GBA1: variants seen among roughly 807,000 people sequenced by gnomAD.
GBA1 encodes glucosylceramidase beta 1, also known as lysosomal acid glucosylceramidase.
chr1:155,240,631 T>C, the GBA1 span: 1 of 1,613,030 alleles, frequency 6.2e-7, no homozygotes, highest in East Asian at 2.2e-5. Context: ...CTCACTCACC[T>C]GATGCCCACG....
the GBA1 span, chr1:155,235,626 C>T: frequency 4.0e-5 from 61 of 1,516,246 alleles, 1 homozygote; most frequent in South Asian, 5.6e-4. Context: ...GTAAGCCATC[C>T]GATGTAGGAG....
chr1:155,239,317 G>A, the GBA1 span, among the ~76,000 whole-genome samples: 1 of 152,096 alleles, frequency 6.6e-6, no homozygotes, highest in Non-Finnish European at 1.5e-5. Context: ...ATCATTTGAG[G>A]TCAGGAGTTT....
At chr1:155,241,769 G>A in the GBA1 span, among the ~76,000 whole-genome samples, 1 of 152,126 alleles carries the variant, frequency 6.6e-6, no homozygotes, top group Admixed American at 6.5e-5. Flanking sequence ...AAGTGAGGGG[G>A]GTTATTAGCC....
chr1:155,239,656 A>G, the GBA1 span: 3 of 1,614,088 alleles, frequency 1.9e-6, no homozygotes, highest in Non-Finnish European at 2.5e-6. Context: ...AATTTTGGGC[A>G]GGGGGTGACA....
At chr1:155,242,164 G>A in the GBA1 span, among the ~76,000 whole-genome samples, 3 of 152,242 alleles carry the variant, frequency 2.0e-5, no homozygotes, top group South Asian at 2.1e-4. Context: ...AGTGAGGTAA[G>A]TGCAGTGCCT....
the GBA1 span, among the ~76,000 whole-genome samples, chr1:155,241,496 TTC>T: frequency 6.6e-6 from 1 of 152,154 alleles, no homozygotes; most frequent in African/African-American, 2.4e-5. Flanking sequence ...GCAGGCACAC[TTC>T]TTTTTTGATA....
At chr1:155,236,814 T>C in the GBA1 span, among the ~76,000 whole-genome samples, 2 of 152,118 alleles carry the variant, frequency 1.3e-5, no homozygotes, top group East Asian at 3.9e-4. Context: ...TAAACACATA[T>C]ATATGTATAT....
chr1:155,239,757 G>A, the GBA1 span: 1 of 1,614,090 alleles, frequency 6.2e-7, no homozygotes, highest in Non-Finnish European at 8.5e-7. Context: ...AGGGTCAGTA[G>A]CAGGCCTGAG....
the GBA1 span, chr1:155,237,659 C>T: frequency 6.3e-7 from 1 of 1,587,888 alleles, no homozygotes; most frequent in Admixed American, 1.8e-5. Context: ...ACCTGTAATC[C>T]CAGCACTTTG....
chr1:155,237,459 T>A, the GBA1 span: 1 of 1,613,982 alleles, frequency 6.2e-7, no homozygotes, highest in East Asian at 2.2e-5. Flanking sequence ...GTCTCGCTGA[T>A]GTTCAGGGGT....
At chr1:155,242,842 C>T in the GBA1 span, among the ~76,000 whole-genome samples, 3 of 152,172 alleles carry the variant, frequency 2.0e-5, no homozygotes, top group African/African-American at 7.2e-5. Context: ...ATCCACCAGC[C>T]TCAGCCTCCC....
chr1:155,236,757 GTGTATGTGTGTGTA>G, the GBA1 span, among the ~76,000 whole-genome samples: 1 of 151,574 alleles, frequency 6.6e-6, no homozygotes, highest in Non-Finnish European at 1.5e-5. Context: ...TAATTTGTGT[GTGTATGTGTGTGTA>G]TGTATGTGTG....
chr1:155,239,788 GTA>G, the GBA1 span: 24 of 1,614,040 alleles, frequency 1.5e-5, 1 homozygote, highest in South Asian at 2.2e-4. Flanking sequence ...GGGAATAAGG[GTA>G]TCAGTACCCA....
chr1:155,242,601 T>G, the GBA1 span, among the ~76,000 whole-genome samples: 12 of 149,726 alleles, frequency 8.0e-5, no homozygotes, highest in Non-Finnish European at 1.5e-4. Flanking sequence ...TCATTTCTTC[T>G]TCTAGGTTCC....
the GBA1 span, chr1:155,239,579 C>A: frequency 1.8e-4 from 298 of 1,612,794 alleles, no homozygotes; most frequent in Non-Finnish European, 2.4e-4. Flanking sequence ...CGAAAAGTTT[C>A]AATGGCTCTA....
the GBA1 span, among the ~76,000 whole-genome samples, chr1:155,236,938 C>G: frequency 3.3e-5 from 5 of 152,088 alleles, no homozygotes; most frequent in African/African-American, 4.8e-5. Context: ...GATCTCGGCT[C>G]ACCGCAACCA....
chr1:155,238,596 C>T, the GBA1 span: 11 of 1,613,386 alleles, frequency 6.8e-6, no homozygotes, highest in South Asian at 4.4e-5. Flanking sequence ...GGTGTAGGTG[C>T]GGATGGAGAA....
At chr1:155,235,691 C>T in the GBA1 span, 4 of 1,605,530 alleles carry the variant, frequency 2.5e-6, no homozygotes, top group South Asian at 1.1e-5. Flanking sequence ...CTGAAGTGGC[C>T]AAGGTGGTAG....
the GBA1 span, chr1:155,235,376 G>A: frequency 1.9e-6 from 3 of 1,598,542 alleles, no homozygotes; most frequent in East Asian, 2.3e-5. Flanking sequence ...CATCTAAGAA[G>A]TCACCCACCC....
Sources: allele counts gnomAD v4.1 joint callset (sites outside exome capture counted in the v4.1 genomes callset), GRCh38; gene constraint gnomAD v4.1.1; transcripts MANE v1.5; gene names NCBI Gene and HGNC (gene_info 2026-07-23, HGNC 2026-07-21).